VKORC1L1: variants seen among roughly 807,000 people sequenced by gnomAD.
The protein encoded by VKORC1L1 is vitamin K epoxide reductase complex subunit 1-like protein 1.
A neutral mutation model predicts 18.9 loss-of-function variants in VKORC1L1; 2 were observed. That is an observed-to-expected ratio of 0.11 (90% confidence interval 0.04 to 0.33). The LOEUF is 0.33. Ranked by LOEUF, VKORC1L1 falls within the 10% of genes least tolerant of loss-of-function variation. The pLI, the probability that VKORC1L1 is intolerant of heterozygous loss-of-function variation, is 1.00. For synonymous variants in VKORC1L1, 96 were observed against 100.0 expected, an observed-to-expected ratio of 0.96 and a Z score of 0.24; for missense variants, 123 against 224.1, an observed-to-expected ratio of 0.55 and a Z score of 2.88.
rs370689096 is a variant in VKORC1L1 at position 65,905,088 on chromosome 7, C to T, written c.194+31523C>T. On this transcript the variant is annotated intron_variant, in intron 1 of 2. Coordinates refer to ENST00000360768, the MANE Select transcript of VKORC1L1 (RefSeq NM_173517.6). ...ATACACACACATATGCATACAAATG[C>T]AGGTGTATACACATAAATAATGTGC... Among the ~76,000 whole-genome samples, 9 of 151,946 alleles carry T rather than the reference C, an allele frequency of 5.9e-5. No homozygotes were observed. The East Asian group carries it at 9.7e-4, about 16-fold the overall frequency.
chr7:65,949,278 G>A (rs187019733), intron 2 of VKORC1L1, among the ~76,000 whole-genome samples: 15 of 152,014 alleles, frequency 9.9e-5, no homozygotes, highest in African/African-American at 3.4e-4. Flanking sequence ...TTGGGAGTTC[G>A]AGACCAGCCT....
chr7:65,874,907 G>T (rs1233657029), intron 1 of VKORC1L1, among the ~76,000 whole-genome samples: 1 of 152,110 alleles, frequency 6.6e-6, no homozygotes, highest in South Asian at 2.1e-4. Flanking sequence ...GTTATATCCT[G>T]CAAGAGCTGC....
At chr7:65,952,544 A>G (rs575188256) in intron 2 of VKORC1L1, among the ~76,000 whole-genome samples, 2 of 151,344 alleles carry the variant, frequency 1.3e-5, no homozygotes, top group Admixed American at 1.3e-4. Flanking sequence ...TTTTGCCAAC[A>G]GGGCCCAGGA....
chr7:65,925,780 C>T (rs868272468), intron 1 of VKORC1L1, among the ~76,000 whole-genome samples: 8 of 152,124 alleles, frequency 5.3e-5, no homozygotes, highest in Middle Eastern at 6.8e-3. Flanking sequence ...GTGCTTATTT[C>T]TATACCCTTA....
chr7:65,920,749 T>C (rs1174541696), intron 1 of VKORC1L1, among the ~76,000 whole-genome samples: 1 of 151,560 alleles, frequency 6.6e-6, no homozygotes, highest in Non-Finnish European at 1.5e-5. Context: ...CAGTCCCAGC[T>C]TCTTGGGAGG....
intron 1 of VKORC1L1, among the ~76,000 whole-genome samples, chr7:65,893,094 T>C (rs1441553895): frequency 6.6e-6 from 1 of 152,192 alleles, no homozygotes; most frequent in East Asian, 1.9e-4. Flanking sequence ...AAGCCAAACA[T>C]TAAGGAGATT....
At chr7:65,907,359 A>G (rs1386906662) in intron 1 of VKORC1L1, among the ~76,000 whole-genome samples, 3 of 152,044 alleles carry the variant, frequency 2.0e-5, no homozygotes, top group Non-Finnish European at 4.4e-5. Flanking sequence ...ATCGCTTAGA[A>G]CCCGGGAGTC....
Position 65,873,315 on chromosome 7 carries a change from C to G in VKORC1L1, c.-57C>G. On this transcript the variant is annotated 5_prime_UTR_variant, in exon 1 of 3. Transcript: ENST00000360768. ...CGGTGGCGGCTGGGTCGGGCCCCGACGGGCGGCGGCGGCTGAGGTGGAGGC... is the reference window on the plus strand; with the variant it reads ...CGGTGGCGGCTGGGTCGGGCCCCGAGGGGCGGCGGCGGCTGAGGTGGAGGC... 1 of 1,286,144 alleles carries G rather than the reference C, an allele frequency of 7.8e-7. No homozygotes were observed. Among genetic ancestry groups the G allele is most frequent in the Non-Finnish European group, 1.0e-6 (1 of 1,002,742 alleles). 79.7% of individuals were successfully genotyped at this position (1,286,144 alleles called of 1,614,324 possible).
chr7:65,905,045 A>ATG (rs1156363950), intron 1 of VKORC1L1, among the ~76,000 whole-genome samples: 4 of 152,202 alleles, frequency 2.6e-5, no homozygotes, highest in African/African-American at 9.7e-5. Context: ...AGGTATGTAT[A>ATG]TATATACACC....
chr7:65,939,560 C>T (rs1264055962), intron 1 of VKORC1L1, among the ~76,000 whole-genome samples: 1 of 152,202 alleles, frequency 6.6e-6, no homozygotes, highest in Non-Finnish European at 1.5e-5. Flanking sequence ...GAGGCAGAAG[C>T]TCTGGCCCCT....
At chr7:65,916,786 C>T (rs973357763) in intron 1 of VKORC1L1, among the ~76,000 whole-genome samples, 3 of 151,896 alleles carry the variant, frequency 2.0e-5, no homozygotes, top group African/African-American at 4.8e-5. Flanking sequence ...TTAGTAGAAA[C>T]GGGGTTTCTC....
At chr7:65,881,535 G>A (rs547834290) in intron 1 of VKORC1L1, among the ~76,000 whole-genome samples, 92 of 152,260 alleles carry the variant, frequency 6.0e-4, no homozygotes, top group African/African-American at 2.1e-3. Flanking sequence ...GTAGCATGAG[G>A]GAGCTGTGTA....
chr7:65,933,153 T>C (rs1181178922), intron 1 of VKORC1L1, among the ~76,000 whole-genome samples: 5 of 151,976 alleles, frequency 3.3e-5, no homozygotes, highest in African/African-American at 9.7e-5. Flanking sequence ...ATCAGGTTGC[T>C]TGATGGTTCT....
At chr7:65,895,514 TATAC>T (rs1243982974) in intron 1 of VKORC1L1, among the ~76,000 whole-genome samples, 7 of 77,466 alleles carry the variant, frequency 9.0e-5, no homozygotes, top group Non-Finnish European at 1.5e-4. Context: ...TATATATATA[TATAC>T]ACACACACAC....
At position 65,873,290 on chromosome 7, in the gene VKORC1L1, CGGTGGCGGCTGGGTCGGGCCCCGACG is replaced by C. The variant is rs1372901038; in HGVS notation, c.-79_-54del. On this transcript the variant is annotated 5_prime_UTR_variant, in exon 1 of 3. An upstream open reading frame in the 5' UTR gains an earlier in-frame stop. Transcript: ENST00000360768. ...GCGGCGGCGGAGGCGGCGGTGGCGG[CGGTGGCGGCTGGGTCGGGCCCCGACG>C]GGCGGCGGCGGCTGAGGTGGAGGCG... 7 of 1,028,012 alleles carry C rather than the reference CGGTGGCGGCTGGGTCGGGCCCCGACG, an allele frequency of 6.8e-6. No homozygotes were observed. Among genetic ancestry groups the C allele is most frequent in the Non-Finnish European group, 1.2e-6 (1 of 861,006 alleles). 63.7% of individuals were successfully genotyped at this position (1,028,012 alleles called of 1,614,324 possible).
At chr7:65,921,064 G>GT (rs919800704) in intron 1 of VKORC1L1, among the ~76,000 whole-genome samples, 1 of 140,652 alleles carries the variant, frequency 7.1e-6, no homozygotes, top group African/African-American at 2.5e-5. Flanking sequence ...TTTTACTTTG[G>GT]GGGGGGTTTA....
chr7:65,895,516 T>TATATATATATATAC (rs370356956), intron 1 of VKORC1L1, among the ~76,000 whole-genome samples: 12 of 71,562 alleles, frequency 1.7e-4, no homozygotes, highest in Non-Finnish European at 2.1e-4. Context: ...TATATATATA[T>TATATATATATATAC]ACACACACAC....
chr7:65,926,413 CA>C (rs1414060073), intron 1 of VKORC1L1, among the ~76,000 whole-genome samples: 1 of 152,114 alleles, frequency 6.6e-6, no homozygotes. Context: ...CTCAGCCTCC[CA>C]AAGTGCTGGG....
At chr7:65,933,141 A>G (rs938246140) in intron 1 of VKORC1L1, among the ~76,000 whole-genome samples, 1 of 151,154 alleles carries the variant, frequency 6.6e-6, no homozygotes, top group African/African-American at 2.4e-5. Context: ...TGTAAATGTC[A>G]GATCAGGTTG....
Sources: allele counts gnomAD v4.1 joint callset (sites outside exome capture counted in the v4.1 genomes callset), GRCh38; gene constraint gnomAD v4.1.1; transcripts MANE v1.5; gene names NCBI Gene and HGNC (gene_info 2026-07-23, HGNC 2026-07-21).